The following GSTO2 variants were observed in gnomAD, a reference collection of about 807,000 sequenced individuals.
GSTO2 encodes the protein glutathione S-transferase omega 2.
Under a neutral mutation model 28.4 loss-of-function variants are expected in GSTO2, and 23 were observed. The ratio of observed to expected loss-of-function variants is 0.81; its 90% CI spans 0.58 to 1.15. The LOEUF (loss-of-function observed/expected upper bound fraction) is 1.15, where lower values mean the gene tolerates loss of function less well. Ranked by LOEUF, GSTO2 falls within the 50% of genes most tolerant of loss-of-function variation. The pLI is 0.00. For missense variants in GSTO2, 298 were observed against 297.8 expected, an observed-to-expected ratio of 1.00 and a Z score of 0.00; for synonymous variants, 109 against 111.0, an observed-to-expected ratio of 0.98 and a Z score of 0.11.
intron 6 of GSTO2, among the ~76,000 whole-genome samples, chr10:104,297,932 C>T (rs539382375): frequency 2.0e-5 from 3 of 152,190 alleles, no homozygotes; most frequent in African/African-American, 7.2e-5. Flanking sequence ...GACTTCAGAG[C>T]CTGCTGTCCT....
intron 5 of GSTO2, among the ~76,000 whole-genome samples, chr10:104,290,697 A>T (rs1271767561): frequency 6.6e-6 from 1 of 152,136 alleles, no homozygotes; most frequent in Admixed American, 6.5e-5. Context: ...AATCAAAACA[A>T]TTGAACTCAT....
At position 104,283,978 on chromosome 10, in the gene GSTO2, C is replaced by G. The variant is rs116299469; in HGVS notation, c.468+4507C>G. ...CCTTTTGTGGCCTTAAACTCTGACACTTTCTTCTTTTGAAATAACTGCCTT... is the reference window on the plus strand; with the variant it reads ...CCTTTTGTGGCCTTAAACTCTGACAGTTTCTTCTTTTGAAATAACTGCCTT... On this transcript the variant is annotated intron_variant, in intron 5 of 6. Transcript: ENST00000338595. Among the ~76,000 whole-genome samples, 738 of 149,930 alleles carry G rather than the reference C, an allele frequency of 4.9e-3. 8 individuals are homozygous for G. The highest frequency in any genetic ancestry group is 0.017 in the African/African-American group (709 of 40,962).
At chr10:104,292,638 T>C (rs1378249142) in intron 5 of GSTO2, among the ~76,000 whole-genome samples, 1 of 152,020 alleles carries the variant, frequency 6.6e-6, no homozygotes, top group Non-Finnish European at 1.5e-5. Flanking sequence ...AGTTTTTTTG[T>C]AGAGACAGGG....
At chr10:104,292,221 T>G (rs2012808937) in intron 5 of GSTO2, among the ~76,000 whole-genome samples, 1 of 151,348 alleles carries the variant, frequency 6.6e-6, no homozygotes, top group Non-Finnish European at 1.5e-5. Context: ...TTTTTTTGTC[T>G]TTTGAGAGGG....
intron 1 of GSTO2, among the ~76,000 whole-genome samples, chr10:104,273,007 A>G (rs1457050888): frequency 1.3e-5 from 2 of 152,052 alleles, no homozygotes; most frequent in East Asian, 3.8e-4. Flanking sequence ...AGATTTTGCA[A>G]CCCTCTTATG....
rs1387577171 is a variant in GSTO2, at chr10:104,269,226, C to G, written c.-275C>G. The G allele has an allele frequency of 6.6e-6, 1 of 152,512 alleles. No homozygotes were observed. The highest frequency in any genetic ancestry group is 1.5e-5 in the Non-Finnish European group (1 of 68,296). The allele number at this position is 152,512 out of a possible 1,614,324, so 9.4% of individuals were successfully genotyped here. A position where few individuals can be genotyped will look rare whatever the true frequency, so the allele number is the denominator to read the frequency against. The stretch of plus-strand genomic sequence containing the variant: ...CGCCGCCAATCCTGGTCCGGTTGCC[C>G]GAGTTCCCGGAGGTCTCTCGCGGGA... On this transcript the variant is annotated 5_prime_UTR_variant, in exon 1 of 7. Coordinates refer to ENST00000338595, the MANE Select transcript of GSTO2 (RefSeq NM_183239.2).
At chr10:104,294,735 T>C (rs2012945863) in intron 5 of GSTO2, among the ~76,000 whole-genome samples, 1 of 152,216 alleles carries the variant, frequency 6.6e-6, no homozygotes, top group Non-Finnish European at 1.5e-5. Flanking sequence ...ATCTCAGCTT[T>C]TTATTGTGCC....
At chr10:104,270,728 A>C (rs1028361581) in intron 1 of GSTO2, among the ~76,000 whole-genome samples, 1 of 151,902 alleles carries the variant, frequency 6.6e-6, no homozygotes, top group African/African-American at 2.4e-5. Context: ...CATATAAATT[A>C]GGCTTCTAAC....
chr10:104,269,532 G>T (rs1283780397), intron 1 of GSTO2, among the ~76,000 whole-genome samples: 6 of 152,060 alleles, frequency 3.9e-5, no homozygotes, highest in African/African-American at 1.4e-4. Flanking sequence ...TTCTGATTTG[G>T]CTGGAAACAG....
intron 1 of GSTO2, among the ~76,000 whole-genome samples, chr10:104,270,155 A>G (rs2011320790): frequency 6.6e-6 from 1 of 152,116 alleles, no homozygotes; most frequent in Non-Finnish European, 1.5e-5. Context: ...CTGGGACTAC[A>G]GGCGCCCGCC....
chr10:104,293,434 T>G (rs1245043778), intron 5 of GSTO2, among the ~76,000 whole-genome samples: 1 of 152,096 alleles, frequency 6.6e-6, no homozygotes, highest in Non-Finnish European at 1.5e-5. Context: ...GTTCTGTTTA[T>G]TTATTTATTT....
At chr10:104,292,090 C>T (rs1476808839) in intron 5 of GSTO2, among the ~76,000 whole-genome samples, 2 of 152,002 alleles carry the variant, frequency 1.3e-5, no homozygotes, top group Admixed American at 6.6e-5. Flanking sequence ...TGAAGAAAAA[C>T]ACTTTCTAAG....
rs995830139 is a variant in GSTO2 at position 104,269,227 on chromosome 10, G to A, written c.-274G>A. 2 of 152,508 alleles carry A rather than the reference G, an allele frequency of 1.3e-5. No individual in the cohort carries two copies. Among genetic ancestry groups the A allele is most frequent in the African/African-American group, 2.4e-5 (1 of 41,458 alleles). 9.4% of individuals were successfully genotyped at this position (152,508 alleles called of 1,614,324 possible). A position where few individuals can be genotyped will look rare whatever the true frequency, so the allele number is the denominator to read the frequency against. On this transcript the variant is annotated 5_prime_UTR_variant, in exon 1 of 7. Coordinates refer to ENST00000338595, the MANE Select transcript of GSTO2 (RefSeq NM_183239.2). Reference sequence around the variant, plus strand: ...GCCGCCAATCCTGGTCCGGTTGCCCGAGTTCCCGGAGGTCTCTCGCGGGAC... The same window carrying A: ...GCCGCCAATCCTGGTCCGGTTGCCCAAGTTCCCGGAGGTCTCTCGCGGGAC...
chr10:104,271,834 C>A (rs1420797804), intron 1 of GSTO2, among the ~76,000 whole-genome samples: 1 of 152,182 alleles, frequency 6.6e-6, no homozygotes, highest in Non-Finnish European at 1.5e-5. Context: ...ATCCAGGAAC[C>A]TTTTAATTTA....
intron 5 of GSTO2, among the ~76,000 whole-genome samples, chr10:104,282,553 C>CAAAAAA (rs10715615): frequency 0.03 from 3,048 of 101,230 alleles, 84 homozygotes; most frequent in African/African-American, 0.11. Context: ...AACCCTATCT[C>CAAAAAA]AAAAAAAAAA....
At chr10:104,277,396 G>C (rs1418218848) in intron 3 of GSTO2, among the ~76,000 whole-genome samples, 1 of 151,894 alleles carries the variant, frequency 6.6e-6, no homozygotes, top group Non-Finnish European at 1.5e-5. Context: ...CAATTCTCCT[G>C]CCTCAGTCTC....
intron 5 of GSTO2, among the ~76,000 whole-genome samples, chr10:104,294,827 G>A (rs2012950700): frequency 6.6e-6 from 1 of 152,082 alleles, no homozygotes; most frequent in Admixed American, 6.6e-5. Context: ...TATATTTAGA[G>A]GCATGCTCCT....
At chr10:104,290,232 G>T (rs1249781895) in intron 5 of GSTO2, among the ~76,000 whole-genome samples, 1 of 152,210 alleles carries the variant, frequency 6.6e-6, no homozygotes, top group African/African-American at 2.4e-5. Context: ...CAGGCCGGGT[G>T]TGGTGGCTCA....
rs374097618 is a variant in GSTO2, at chr10:104,277,908, A to G, written c.158A>G (p.Asn53Ser). 5.0e-6 allele frequency: 8 copies of G among 1,613,448 alleles called. No homozygotes were observed. The highest frequency in any genetic ancestry group is 6.8e-6 in the Non-Finnish European group (8 of 1,179,456). Residue 53 changes from asparagine (N) to serine (S), a missense_variant, in exon 4 of 7, where the codon AAC (asparagine) becomes AGC (serine). By Grantham distance (46) the Asn-to-Ser change is conservative. Transcript: ENST00000338595. ...TGCTTTTTAAGACATGAAGTGGTCA[A>G]CATTAACCTGAGAAACAAGCCTGAA... ...KAKDIRHEVV[N>S]INLRNKPEWY...
Sources: gnomAD v4.1 joint callset for allele counts (sites outside exome capture counted in the v4.1 genomes callset) on GRCh38, gnomAD v4.1.1 for gene constraint, MANE v1.5 for transcripts, NCBI Gene and HGNC (gene_info 2026-07-23, HGNC 2026-07-21) for gene names.